Variants in PRKCE observed in about 807,000 individuals in gnomAD.
The protein encoded by PRKCE is protein kinase C epsilon.
Under a neutral mutation model 85.4 loss-of-function variants are expected in PRKCE, and 16 were observed. The observed-to-expected ratio is 0.19, with a 90% confidence interval of 0.13 to 0.28. The LOEUF (loss-of-function observed/expected upper bound fraction) is 0.28, where lower values mean the gene tolerates loss of function less well. Among genes scored for constraint, PRKCE ranks in the 10% least tolerant of loss-of-function variants. PRKCE has a pLI of 1.00. For synonymous variants in PRKCE, 388 were observed against 371.5 expected (o/e 1.04, Z -0.51); for missense variants, 573 against 975.2 (o/e 0.59, Z 5.49).
chr2:45,750,243 C>T lies in PRKCE; in HGVS notation c.349-92757C>T, dbSNP rs771411591. Among the ~76,000 whole-genome samples the T allele has an allele frequency of 6.5e-4, 99 of 152,242 alleles. 1 individual carries two copies. Among genetic ancestry groups the T allele is most frequent in the Middle Eastern group, 3.4e-3 (1 of 294 alleles). ...TCTATTGCCAGAATATTTTTATCACCCCAAAAGGAAACCCTGTACTCATTG... is the reference window on the plus strand; with the variant it reads ...TCTATTGCCAGAATATTTTTATCACTCCAAAAGGAAACCCTGTACTCATTG... On this transcript the variant is annotated intron_variant, in intron 1 of 14. Transcript: ENST00000306156.
chr2:45,672,556 C>G (rs893353109), intron 1 of PRKCE, among the ~76,000 whole-genome samples: 6 of 152,190 alleles, frequency 3.9e-5, no homozygotes, highest in African/African-American at 1.4e-4. Context: ...GTAAGGGAGT[C>G]TGATTTATTA....
At position 45,896,770 on chromosome 2, in the gene PRKCE, A is replaced by T. The variant is rs562117299; in HGVS notation, c.412+53707A>T. On this transcript the variant is annotated intron_variant, in intron 2 of 14. Transcript: ENST00000306156. ...AGGTGCGCAGTAGAGCTTCATGTGTAGCCTTTGAAGCAAGGACATATGAGA... is the reference window on the plus strand; with the variant it reads ...AGGTGCGCAGTAGAGCTTCATGTGTTGCCTTTGAAGCAAGGACATATGAGA... Among the ~76,000 whole-genome samples the T allele has an allele frequency of 1.6e-4, 25 of 152,338 alleles. No homozygotes were observed. In the South Asian group the frequency reaches 5.2e-3, roughly 32 times the overall value.
intron 1 of PRKCE, among the ~76,000 whole-genome samples, chr2:45,713,617 C>T (rs1162358800): frequency 1.3e-5 from 2 of 152,136 alleles, no homozygotes; most frequent in Admixed American, 1.3e-4. Flanking sequence ...AAATAGGAAA[C>T]CATGGCTGTT....
At chr2:46,140,840 A>T (rs1675443836) in intron 11 of PRKCE, among the ~76,000 whole-genome samples, 1 of 152,158 alleles carries the variant, frequency 6.6e-6, no homozygotes, top group African/African-American at 2.4e-5. Context: ...ATCGATAAAA[A>T]ACAAACACCA....
intron 12 of PRKCE, among the ~76,000 whole-genome samples, chr2:46,147,942 C>T (rs187914103): frequency 2.6e-5 from 4 of 152,358 alleles, no homozygotes; most frequent in Admixed American, 2.0e-4. Flanking sequence ...TCCTTCCCTA[C>T]CTACCTCATC....
Position 46,145,275 on chromosome 2 carries a change from C to G in PRKCE, c.1731+44C>G, listed in dbSNP as rs756504694. 25 of 1,596,968 alleles carry G rather than the reference C, an allele frequency of 1.6e-5. No individual in the cohort carries two copies. Among genetic ancestry groups the G allele is most frequent in the Non-Finnish European group, 2.1e-5 (25 of 1,178,406 alleles). Reference sequence around the variant, plus strand: ...GGTTCACCTCCTCCTGGTGCCAGGACCGAGGCAGGGGTCCAAACCCATGCA... The same window carrying G: ...GGTTCACCTCCTCCTGGTGCCAGGAGCGAGGCAGGGGTCCAAACCCATGCA... On this transcript the variant is annotated intron_variant, in intron 12 of 14. Transcript: ENST00000306156. The surrounding 1 kb of genome is among the most constrained non-coding windows in gnomAD (Gnocchi z 4.6).
chr2:45,969,964 A>T (rs1702000103), intron 2 of PRKCE, among the ~76,000 whole-genome samples: 1 of 152,222 alleles, frequency 6.6e-6, no homozygotes, highest in African/African-American at 2.4e-5. Context: ...GTAGACAGTC[A>T]AGTCATTTCT....
intron 11 of PRKCE, among the ~76,000 whole-genome samples, chr2:46,112,744 T>C (rs894996644): frequency 1.3e-5 from 2 of 152,150 alleles, no homozygotes; most frequent in African/African-American, 4.8e-5. Flanking sequence ...AGTCTCAAAC[T>C]CCTGACCTCA....
At chr2:45,962,600 A>G (rs949263058) in intron 2 of PRKCE, among the ~76,000 whole-genome samples, 3 of 152,204 alleles carry the variant, frequency 2.0e-5, no homozygotes, top group Admixed American at 6.5e-5. Context: ...TATTAGAAAT[A>G]GACTTTTTTC....
intron 1 of PRKCE, among the ~76,000 whole-genome samples, chr2:45,716,806 G>A (rs932805561): frequency 6.6e-6 from 1 of 152,160 alleles, no homozygotes; most frequent in African/African-American, 2.4e-5. Context: ...GTTCAGCATG[G>A]CTGGGGAGAC....
At chr2:46,127,358 G>A (rs973994427) in intron 11 of PRKCE, among the ~76,000 whole-genome samples, 1 of 152,132 alleles carries the variant, frequency 6.6e-6, no homozygotes, top group Non-Finnish European at 1.5e-5. Context: ...GTATAGACTT[G>A]TTTATATATA....
intron 10 of PRKCE, among the ~76,000 whole-genome samples, chr2:46,052,151 C>T (rs1415152687): frequency 3.3e-5 from 5 of 152,152 alleles, no homozygotes; most frequent in Admixed American, 1.3e-4. Context: ...CAACACAGTC[C>T]CTTCTTCCTT....
chr2:45,677,340 T>TTTG (rs1005780611), intron 1 of PRKCE, among the ~76,000 whole-genome samples: 97 of 145,296 alleles, frequency 6.7e-4, no homozygotes, highest in African/African-American at 1.5e-3. Context: ...TGTTTTTTTT[T>TTTG]TTGTTGTTGT....
At chr2:45,755,778 G>A (rs1396298627) in intron 1 of PRKCE, among the ~76,000 whole-genome samples, 2 of 152,176 alleles carry the variant, frequency 1.3e-5, no homozygotes, top group East Asian at 3.8e-4. Context: ...CGAAATGCAA[G>A]GCTGCTGGGC....
intron 1 of PRKCE, among the ~76,000 whole-genome samples, chr2:45,653,370 G>GGTTTTT: frequency 1.6e-5 from 1 of 61,464 alleles, no homozygotes; most frequent in Non-Finnish European, 3.0e-5. Context: ...TTTTTGGGTT[G>GGTTTTT]TTTTTTTTTT....
intron 2 of PRKCE, among the ~76,000 whole-genome samples, chr2:45,941,707 G>A (rs1310520942): frequency 6.6e-6 from 1 of 152,176 alleles, no homozygotes; most frequent in Non-Finnish European, 1.5e-5. Context: ...CTGGGTCACT[G>A]AGCAATTCAA....
At chr2:46,124,766 A>G (rs1315248696) in intron 11 of PRKCE, among the ~76,000 whole-genome samples, 1 of 152,214 alleles carries the variant, frequency 6.6e-6, no homozygotes, top group African/African-American at 2.4e-5. Flanking sequence ...TGATCTTCTA[A>G]TATATCCAGC....
Position 46,086,506 on chromosome 2 carries a change from CT to C in PRKCE, c.1592+150del, listed in dbSNP as rs150681406. Reference sequence around the variant, plus strand: ...TTTGTTCCAATTTGCTTACAGAAGACTTTTTTGGGGGCTGTTTATTCCTGTG... The same window carrying C: ...TTTGTTCCAATTTGCTTACAGAAGACTTTTTGGGGGCTGTTTATTCCTGTG... On this transcript the variant is annotated intron_variant, in intron 11 of 14. Transcript: ENST00000306156. 1.4e-4 allele frequency: 136 copies of C among 939,616 alleles called. No homozygotes were observed. The African/African-American group carries it at 2.1e-3, about 15-fold the overall frequency. 58.2% of individuals were successfully genotyped at this position (939,616 alleles called of 1,614,324 possible). A position where few individuals can be genotyped will look rare whatever the true frequency, so the allele number is the denominator to read the frequency against.
intron 10 of PRKCE, among the ~76,000 whole-genome samples, chr2:46,014,959 T>C (rs1318377908): frequency 6.6e-6 from 1 of 152,160 alleles, no homozygotes; most frequent in Non-Finnish European, 1.5e-5. Flanking sequence ...TGATAATGGC[T>C]AAACCAGAGC....
Sources: gnomAD v4.1 joint callset for allele counts (sites outside exome capture counted in the v4.1 genomes callset) on GRCh38, gnomAD v4.1.1 for gene constraint, Gnocchi (gnomAD v3.1) non-coding constraint, MANE v1.5 for transcripts, NCBI Gene and HGNC (gene_info 2026-07-23, HGNC 2026-07-21) for gene names.